CACNB2: variants seen among roughly 807,000 people sequenced by gnomAD.
The protein encoded by CACNB2 is voltage-dependent L-type calcium channel subunit beta-2.
In CACNB2, 42 loss-of-function variants were observed where a neutral mutation model predicts 73.3. That is an observed-to-expected ratio of 0.57 (90% CI 0.45 to 0.74). CACNB2 has a LOEUF of 0.74. Ranked by LOEUF, CACNB2 falls within the 30% of genes least tolerant of loss-of-function variation. The pLI is 0.00. For synonymous variants in CACNB2, 348 were observed against 310.3 expected, an observed-to-expected ratio of 1.12 and a Z score of -1.28; for missense variants, 940 against 853.0, an observed-to-expected ratio of 1.10 and a Z score of -1.27.
chr10:18,503,789 G>A, intron 5 of CACNB2, among the ~76,000 whole-genome samples: 1 of 152,164 alleles, frequency 6.6e-6, no homozygotes, highest in East Asian at 1.9e-4. Context: ...GTTCCAAGAT[G>A]AAATAAATTA....
chr10:18,425,487 C>T (rs1000672419), intron 3 of CACNB2, among the ~76,000 whole-genome samples: 1 of 150,498 alleles, frequency 6.6e-6, no homozygotes, highest in African/African-American at 2.5e-5. Flanking sequence ...GACAATCTAA[C>T]AGTACTTCGT....
In CACNB2 at chr10:18,542,154, A is replaced by C. The variant is rs1268488105; in HGVS notation, c.*2430A>C. The C allele has an allele frequency of 6.6e-6, 1 of 152,176 alleles. No homozygotes were observed. The highest frequency in any genetic ancestry group is 1.5e-5 in the Non-Finnish European group (1 of 68,030). The allele number at this position is 152,176 out of a possible 1,614,324, so 9.4% of individuals were successfully genotyped here. A position where few individuals can be genotyped will look rare whatever the true frequency, so the allele number is the denominator to read the frequency against. ...GGCTGCAGTGAACCGTGACTGTACC[A>C]ATGCACTCCAGCCTGGTGACAACCT... is the stretch of plus-strand genomic sequence containing the variant. On this transcript the variant is annotated 3_prime_UTR_variant, in exon 14 of 14. Coordinates refer to ENST00000324631, the MANE Select transcript of CACNB2 (RefSeq NM_201596.3).
intron 2 of CACNB2, among the ~76,000 whole-genome samples, chr10:18,398,442 A>C (rs2043821318): frequency 6.6e-6 from 1 of 152,138 alleles, no homozygotes; most frequent in African/African-American, 2.4e-5. Flanking sequence ...AGGCAGGAGG[A>C]TTGCTTGAGC....
chr10:18,492,977 G>A (rs2049544031), intron 3 of CACNB2, among the ~76,000 whole-genome samples: 1 of 152,112 alleles, frequency 6.6e-6, no homozygotes, highest in South Asian at 2.1e-4. Flanking sequence ...TTATCCATGA[G>A]TTCCACGTTC....
chr10:18,166,861 T>C (rs2131125693), intron 2 of CACNB2, among the ~76,000 whole-genome samples: 1 of 152,294 alleles, frequency 6.6e-6, no homozygotes, highest in South Asian at 2.1e-4. Flanking sequence ...ATCCTGCACG[T>C]TGTGCACGTG....
chr10:18,166,015 G>A lies in CACNB2; in HGVS notation c.213+15040G>A, dbSNP rs187396613. Among the ~76,000 whole-genome samples, 4 of 152,186 alleles carry A rather than the reference G, an allele frequency of 2.6e-5. No individual in the cohort carries two copies. In the East Asian group the frequency reaches 7.7e-4, roughly 29 times the overall value. ...AGTTATTTAGCTTAAAAATCAGGCT[G>A]TAAATATCAATTGATCTTATATTCG... On this transcript the variant is annotated intron_variant, in intron 2 of 13. Coordinates refer to ENST00000324631, the MANE Select transcript of CACNB2 (RefSeq NM_201596.3).
chr10:18,202,435 C>A (rs2034920997), intron 2 of CACNB2, among the ~76,000 whole-genome samples: 1 of 152,118 alleles, frequency 6.6e-6, no homozygotes, highest in African/African-American at 2.4e-5. Context: ...ATTATAGGGA[C>A]CAAACCATGG....
At chr10:18,500,417 CTCTT>C (rs1442777528) in intron 4 of CACNB2, among the ~76,000 whole-genome samples, 1 of 152,080 alleles carries the variant, frequency 6.6e-6, no homozygotes, top group African/African-American at 2.4e-5. Flanking sequence ...CAATATTTAT[CTCTT>C]TCTCTCAATA....
intron 3 of CACNB2, among the ~76,000 whole-genome samples, chr10:18,407,914 T>G (rs2044383766): frequency 6.6e-6 from 1 of 152,204 alleles, no homozygotes; most frequent in South Asian, 2.1e-4. Flanking sequence ...CACTGTTTAT[T>G]AAGCTTCTTT....
chr10:18,220,226 T>TAGAGAGAG (rs1275395034), intron 2 of CACNB2, among the ~76,000 whole-genome samples: 36 of 45,636 alleles, frequency 7.9e-4, no homozygotes, highest in Non-Finnish European at 9.7e-4. Context: ...TATATATATA[T>TAGAGAGAG]ATATATAGAG....
chr10:18,444,507 T>C (rs138965237), intron 3 of CACNB2, among the ~76,000 whole-genome samples: 253 of 152,346 alleles, frequency 1.7e-3, no homozygotes, highest in Non-Finnish European at 3.2e-3. Flanking sequence ...TTGCAATAAC[T>C]GCAAAAAATA....
intron 2 of CACNB2, among the ~76,000 whole-genome samples, chr10:18,205,058 T>C (rs2035034326): frequency 7.2e-6 from 1 of 139,360 alleles, no homozygotes; most frequent in Non-Finnish European, 1.6e-5. Context: ...TTTGTAGATG[T>C]CAAGTGTTTT....
chr10:18,440,305 T>C (rs1430624638), intron 3 of CACNB2, among the ~76,000 whole-genome samples: 1 of 152,162 alleles, frequency 6.6e-6, no homozygotes, highest in Non-Finnish European at 1.5e-5. Flanking sequence ...ATATGAATTT[T>C]GGGGGAACAT....
intron 2 of CACNB2, among the ~76,000 whole-genome samples, chr10:18,354,462 C>T (rs769076660): frequency 2.0e-5 from 3 of 151,966 alleles, no homozygotes; most frequent in Non-Finnish European, 4.4e-5. Context: ...ACATGGCAGC[C>T]GAGCGCAAGA....
intron 1 of CACNB2, among the ~76,000 whole-genome samples, chr10:18,148,524 T>C (rs2031214937): frequency 6.6e-6 from 1 of 152,236 alleles, no homozygotes; most frequent in African/African-American, 2.4e-5. Context: ...AGCCACCTCC[T>C]CTGTGACTGA....
intron 2 of CACNB2, among the ~76,000 whole-genome samples, chr10:18,161,783 G>A (rs906409562): frequency 6.6e-6 from 1 of 151,932 alleles, no homozygotes; most frequent in Non-Finnish European, 1.5e-5. Flanking sequence ...TTAAAAATTA[G>A]CCGGGCATGG....
intron 6 of CACNB2, among the ~76,000 whole-genome samples, chr10:18,511,911 C>A (rs535321599): frequency 5.9e-5 from 9 of 152,164 alleles, no homozygotes; most frequent in Non-Finnish European, 1.2e-4. Context: ...AGGTCTGAAT[C>A]CTGACTGCCA....
chr10:18,281,084 A>G (rs923140866), intron 2 of CACNB2, among the ~76,000 whole-genome samples: 3 of 152,206 alleles, frequency 2.0e-5, no homozygotes, highest in Admixed American at 1.3e-4. Flanking sequence ...CTTGAAATCT[A>G]TGCTTCTTCC....
chr10:18,277,228 A>T (rs2038335567), intron 2 of CACNB2, among the ~76,000 whole-genome samples: 1 of 152,162 alleles, frequency 6.6e-6, no homozygotes, highest in South Asian at 2.1e-4. Context: ...GGAAAGAGTC[A>T]GCCAGGTGGC....
Sources: allele counts gnomAD v4.1 joint callset (sites outside exome capture counted in the v4.1 genomes callset), GRCh38; gene constraint gnomAD v4.1.1; transcripts MANE v1.5; gene names NCBI Gene and HGNC (gene_info 2026-07-23, HGNC 2026-07-21).